ATP8B1: variants seen among roughly 807,000 people sequenced by gnomAD.
The protein encoded by ATP8B1 is phospholipid-transporting ATPase IC.
A neutral mutation model predicts 149.9 loss-of-function variants in ATP8B1; 80 were observed. The observed-to-expected ratio is 0.53, with a 90% CI of 0.45 to 0.64. The LOEUF is 0.64. Among genes scored for constraint, ATP8B1 ranks in the 30% least tolerant of loss-of-function variants. The probability of loss-of-function intolerance (pLI) is 0.00; values close to 1 mark genes in which losing one functional copy is unlikely to be tolerated. For missense variants in ATP8B1, 1,247 were observed against 1,552.6 expected, an observed-to-expected ratio of 0.80 and a Z score of 3.31; for synonymous variants, 536 against 562.8, an observed-to-expected ratio of 0.95 and a Z score of 0.67.
At chr18:57,759,538 G>A (rs111643350) in intron 1 of ATP8B1, among the ~76,000 whole-genome samples, 4,977 of 152,202 alleles carry the variant, frequency 0.033, 236 homozygotes, top group African/African-American at 0.11. Context: ...GGCCGGGCAC[G>A]GTGGCTCACG....
chr18:57,651,301 TCAC>T (rs1415984288), intron 26 of ATP8B1, among the ~76,000 whole-genome samples: 1 of 152,216 alleles, frequency 6.6e-6, no homozygotes, highest in Non-Finnish European at 1.5e-5. Context: ...AGATGGGGTT[TCAC>T]CATGTTGCCC....
chr18:57,738,681 C>T (rs1035391966), intron 1 of ATP8B1, among the ~76,000 whole-genome samples: 7 of 151,980 alleles, frequency 4.6e-5, no homozygotes, highest in Admixed American at 3.9e-4. Context: ...TAAAGCCAGT[C>T]GTTTTTGCCT....
intron 1 of ATP8B1, among the ~76,000 whole-genome samples, chr18:57,788,067 A>G (rs1186945077): frequency 6.6e-6 from 1 of 152,148 alleles, no homozygotes; most frequent in Non-Finnish European, 1.5e-5. Context: ...TGAACAAAAT[A>G]AAACCTATTG....
intron 1 of ATP8B1, among the ~76,000 whole-genome samples, chr18:57,761,978 T>C (rs1347520188): frequency 3.4e-5 from 5 of 146,788 alleles, no homozygotes; most frequent in African/African-American, 1.3e-4. Context: ...GGATTATTAC[T>C]GAATAGTTTT....
chr18:57,686,880 G>GT (rs1455047977), intron 13 of ATP8B1, among the ~76,000 whole-genome samples: 1 of 152,142 alleles, frequency 6.6e-6, no homozygotes, highest in Non-Finnish European at 1.5e-5. Flanking sequence ...GTCTTGCTCT[G>GT]TTAGCCATGC....
chr18:57,748,272 A>G (rs1476245469), intron 1 of ATP8B1, among the ~76,000 whole-genome samples: 1 of 152,232 alleles, frequency 6.6e-6, no homozygotes, highest in Non-Finnish European at 1.5e-5. Context: ...ACAAATAAAG[A>G]AACTGTAACT....
At chr18:57,670,343 C>T (rs28699503) in intron 17 of ATP8B1, among the ~76,000 whole-genome samples, 4 of 145,674 alleles carry the variant, frequency 2.7e-5, no homozygotes, top group Non-Finnish European at 6.1e-5. Flanking sequence ...CTTTTTTTTT[C>T]TTTTTCTTTT....
intron 2 of ATP8B1, among the ~76,000 whole-genome samples, chr18:57,713,188 TTTCTTTCTTTCCTTCCTTCCTTCCTTCC>T (rs1568207459): frequency 1.9e-5 from 2 of 103,744 alleles, no homozygotes; most frequent in Non-Finnish European, 3.8e-5. Context: ...TCTTTCTTTC[TTTCTTTCTTTCCTTCCTTCCTTCCTTCC>T]TTCCTTCCTT....
At chr18:57,685,208 G>T in intron 13 of ATP8B1, 93 bp from the exon 14 acceptor site, 1 of 1,339,278 alleles carries the variant, frequency 7.5e-7, no homozygotes, top group Non-Finnish European at 1.1e-6. Flanking sequence ...ATGGTGGTAA[G>T]ACCATATACG....
At chr18:57,775,113 G>A (rs1372037790) in intron 1 of ATP8B1, among the ~76,000 whole-genome samples, 2 of 152,134 alleles carry the variant, frequency 1.3e-5, no homozygotes, top group East Asian at 1.9e-4. Flanking sequence ...TGGAGAGTTC[G>A]AGACCAGCTT....
chr18:57,726,106 T>TA (rs1157965175), intron 2 of ATP8B1, among the ~76,000 whole-genome samples: 1 of 152,192 alleles, frequency 6.6e-6, no homozygotes, highest in Non-Finnish European at 1.5e-5. Context: ...TACATACCTG[T>TA]AGTCCCAGCT....
intron 1 of ATP8B1, among the ~76,000 whole-genome samples, chr18:57,774,853 T>C (rs1486674524): frequency 6.6e-6 from 1 of 152,226 alleles, no homozygotes. Flanking sequence ...TCCTTGCATA[T>C]ATCATCAACG....
At chr18:57,732,129 G>GTGTATATATGTATATATATGTGTA (rs1568043898) in intron 1 of ATP8B1, 1 of 41,448 alleles carries the variant, frequency 2.4e-5, no homozygotes, top group Non-Finnish European at 5.3e-5. Context: ...ATATATATGT[G>GTGTATATATGTATATATATGTGTA]TATATGTATA....
At chr18:57,679,530 T>A (rs1361958176) in intron 15 of ATP8B1, among the ~76,000 whole-genome samples, 1 of 152,184 alleles carries the variant, frequency 6.6e-6, no homozygotes. Flanking sequence ...GAAATTGATG[T>A]AATCAAAGAA....
chr18:57,722,203 C>G (rs1057510142), intron 2 of ATP8B1, among the ~76,000 whole-genome samples: 85 of 151,814 alleles, frequency 5.6e-4, no homozygotes, highest in African/African-American at 2.0e-3. Context: ...AAAGCAAGAG[C>G]AAACACATTC....
chr18:57,727,744 G>A (rs912136229), intron 2 of ATP8B1, among the ~76,000 whole-genome samples: 3 of 152,104 alleles, frequency 2.0e-5, no homozygotes, highest in Non-Finnish European at 4.4e-5. Flanking sequence ...CCGATATCGC[G>A]CCTCTGCTCT....
intron 1 of ATP8B1, among the ~76,000 whole-genome samples, chr18:57,775,367 G>A (rs2123391670): frequency 6.6e-6 from 1 of 151,068 alleles, no homozygotes; most frequent in African/African-American, 2.4e-5. Flanking sequence ...ACGAAAGAAA[G>A]AAAAAGAAAG....
chr18:57,753,223 A>AC (rs1452672049), intron 1 of ATP8B1, among the ~76,000 whole-genome samples: 1 of 152,244 alleles, frequency 6.6e-6, no homozygotes, highest in East Asian at 1.9e-4. Flanking sequence ...TCAGCAAACC[A>AC]CCTTGATCAT....
Position 57,695,929 on chromosome 18 carries a change from T to C in ATP8B1, c.699-397A>G, listed in dbSNP as rs552419697. Among the ~76,000 whole-genome samples the C allele has an allele frequency of 3.3e-5, 5 of 152,372 alleles. No homozygotes were observed. The East Asian group carries it at 9.6e-4, about 29-fold the overall frequency. On this transcript the variant is annotated intron_variant, in intron 8 of 27. Coordinates refer to ENST00000648908, the MANE Select transcript of ATP8B1 (RefSeq NM_001374385.1). Reference sequence around the variant, plus strand: ...TTACAGAAATTCTGTTTCGCCTCTGTCAAATTCTTTTCCAGAGTGAATAAC... The same window carrying C: ...TTACAGAAATTCTGTTTCGCCTCTGCCAAATTCTTTTCCAGAGTGAATAAC...
Sources: allele counts gnomAD v4.1 joint callset (sites outside exome capture counted in the v4.1 genomes callset), GRCh38; gene constraint gnomAD v4.1.1; transcripts MANE v1.5; gene names NCBI Gene and HGNC (gene_info 2026-07-23, HGNC 2026-07-21).